CARMIL1: variants seen among roughly 807,000 people sequenced by gnomAD.
CARMIL1 encodes the protein F-actin-uncapping protein LRRC16A.
Under a neutral mutation model 177.1 loss-of-function variants are expected in CARMIL1, and 90 were observed. The ratio of observed to expected loss-of-function variants is 0.51; its 90% CI spans 0.43 to 0.61. The LOEUF (loss-of-function observed/expected upper bound fraction) is 0.61, where lower values mean the gene tolerates loss of function less well. Ranked by LOEUF, CARMIL1 falls within the 20% of genes least tolerant of loss-of-function variation. CARMIL1 has a pLI of 0.00. For synonymous variants in CARMIL1, 577 were observed against 606.2 expected (o/e 0.95, Z 0.71); for missense variants, 1,380 against 1,667.0 (o/e 0.83, Z 3.00).
chr6:25,281,012 G>T (rs1207497464), intron 1 of CARMIL1, among the ~76,000 whole-genome samples: 3 of 152,096 alleles, frequency 2.0e-5, no homozygotes, highest in African/African-American at 7.2e-5. Flanking sequence ...AAAACTTGAT[G>T]TAGAGAGGCT....
At chr6:25,538,063 A>G (rs538684800) in intron 25 of CARMIL1, 80 bp downstream of exon 25, 1 of 1,444,406 alleles carries the variant, frequency 6.9e-7, no homozygotes, top group Non-Finnish European at 9.2e-7. Flanking sequence ...ACCAGTTTCA[A>G]CTTTCTCTCT....
Position 25,449,964 on chromosome 6 carries a change from C to T in CARMIL1, c.438C>T (p.Asp146=), listed in dbSNP as rs1798625921. 1.4e-5 allele frequency: 23 copies of T among 1,611,640 alleles called. No individual in the cohort carries two copies. Among genetic ancestry groups the T allele is most frequent in the Non-Finnish European group, 1.7e-5 (20 of 1,178,598 alleles). ...TGGCTAGTCTCCAGGCGCTGTGGGA[C>T]AGCCAGACCGTGGCTGAGCAGGGCC... ...ERLASLQALW[D]SQTVAEQGPC... Residue 146 remains aspartate, a synonymous_variant, in exon 6 of 37, where the codon GAC becomes GAT. Coordinates refer to ENST00000329474, the MANE Select transcript of CARMIL1 (RefSeq NM_017640.6).
chr6:25,411,812 A>G (rs1019309029), intron 2 of CARMIL1, among the ~76,000 whole-genome samples: 1 of 152,182 alleles, frequency 6.6e-6, no homozygotes, highest in African/African-American at 2.4e-5. Flanking sequence ...TTGAAGAAGC[A>G]CCTGTTGGTC....
intron 33 of CARMIL1, among the ~76,000 whole-genome samples, chr6:25,603,482 G>A (rs1162766743): frequency 6.6e-6 from 1 of 152,164 alleles, no homozygotes; most frequent in Non-Finnish European, 1.5e-5. Context: ...GGGAGTGTGT[G>A]ACTGGGGTAG....
chr6:25,329,727 A>G (rs939612914), intron 2 of CARMIL1, among the ~76,000 whole-genome samples: 2 of 152,214 alleles, frequency 1.3e-5, no homozygotes, highest in African/African-American at 4.8e-5. Flanking sequence ...CTTGCTTCAG[A>G]CAAAATTTTT....
chr6:25,548,051 G>A (rs1014039529), intron 26 of CARMIL1, among the ~76,000 whole-genome samples: 1 of 152,100 alleles, frequency 6.6e-6, no homozygotes, highest in South Asian at 2.1e-4. Context: ...AACAGAGCCT[G>A]GATCATACGG....
rs113954728 is a variant in CARMIL1 at position 25,615,969 on chromosome 6, C to G, written c.3980-3478C>G. 4.6e-5 allele frequency among the ~76,000 whole-genome samples: 7 copies of G among 152,280 alleles called. 1 individual carries two copies. Among genetic ancestry groups the G allele is most frequent in the African/African-American group, 1.7e-4 (7 of 41,546 alleles). On this transcript the variant is annotated intron_variant, in intron 36 of 36. Transcript: ENST00000329474. The stretch of plus-strand genomic sequence containing the variant: ...AGAATGACAGATATCACGTTCGAGC[C>G]TCTCTGTACCAATTATTGCCACTAT...
At position 25,466,615 on chromosome 6, in the gene CARMIL1, G is replaced by A. The variant is rs545151427; in HGVS notation, c.690+667G>A. On this transcript the variant is annotated intron_variant, in intron 9 of 36. Coordinates refer to ENST00000329474, the MANE Select transcript of CARMIL1 (RefSeq NM_017640.6). The stretch of plus-strand genomic sequence containing the variant: ...AAGAAAGAATTTATATGTTTTCCTG[G>A]AGACTCTCACGTTTAAGCCTCTAAC... Among the ~76,000 whole-genome samples, 21 of 152,198 alleles carry A rather than the reference G, an allele frequency of 1.4e-4. No individual in the cohort carries two copies. In the South Asian group the frequency reaches 4.4e-3, roughly 32 times the overall value.
At chr6:25,490,656 C>T (rs1803111188) in intron 13 of CARMIL1, among the ~76,000 whole-genome samples, 1 of 151,132 alleles carries the variant, frequency 6.6e-6, no homozygotes, top group African/African-American at 2.4e-5. Context: ...CGAGATCATA[C>T]CACTGCACTC....
chr6:25,370,685 A>T (rs917531797), intron 2 of CARMIL1, among the ~76,000 whole-genome samples: 11 of 152,174 alleles, frequency 7.2e-5, no homozygotes, highest in African/African-American at 2.7e-4. Context: ...TCACTTAGGA[A>T]GTGGAAAGTC....
rs574002273 is a variant in CARMIL1, at chr6:25,516,741, C to G, written c.1806-606C>G. Reference sequence around the variant, plus strand: ...TGAAGGTAAAGTAATATTTTTCTCCCCAAATAGATTTTGTGTTTAAAAAGC... The same window carrying G: ...TGAAGGTAAAGTAATATTTTTCTCCGCAAATAGATTTTGTGTTTAAAAAGC... On this transcript the variant is annotated intron_variant, in intron 21 of 36. Coordinates refer to ENST00000329474, the MANE Select transcript of CARMIL1 (RefSeq NM_017640.6). Among the ~76,000 whole-genome samples the G allele has an allele frequency of 2.6e-5, 4 of 152,230 alleles. No homozygotes were observed. In the South Asian group the frequency reaches 8.3e-4, roughly 32 times the overall value.
intron 2 of CARMIL1, among the ~76,000 whole-genome samples, chr6:25,293,073 C>G (rs1782100562): frequency 6.6e-6 from 1 of 151,062 alleles, no homozygotes; most frequent in Non-Finnish European, 1.5e-5. Context: ...TTTGTTCCCT[C>G]TCTTATCCCC....
chr6:25,503,436 T>C (rs1804604606), intron 17 of CARMIL1, among the ~76,000 whole-genome samples: 1 of 152,234 alleles, frequency 6.6e-6, no homozygotes, highest in South Asian at 2.1e-4. Context: ...AGTTTGCTTC[T>C]CTTCATAATA....
chr6:25,449,802 A>G, intron 5 of CARMIL1, 96 bp from the exon 6 acceptor site: 2 of 679,624 alleles, frequency 2.9e-6, no homozygotes, highest in South Asian at 2.6e-5. Flanking sequence ...AGTGACCCTC[A>G]TCTTTGTTGA....
At chr6:25,434,042 A>T (rs185612769) in intron 4 of CARMIL1, among the ~76,000 whole-genome samples, 1 of 152,282 alleles carries the variant, frequency 6.6e-6, no homozygotes, top group East Asian at 1.9e-4. Context: ...AAGAAGTGAT[A>T]ATCTAAGAGG....
chr6:25,450,712 G>A lies in CARMIL1; in HGVS notation c.614+1G>A, dbSNP rs1428727324. The A allele has an allele frequency of 3.1e-6, 5 of 1,594,488 alleles. No individual in the cohort carries two copies. The highest frequency in any genetic ancestry group is 8.6e-7 in the Non-Finnish European group (1 of 1,168,606). The stretch of plus-strand genomic sequence containing the variant: ...AAGATTTTAGTCATCTTGACCACAG[G>A]TAAGCTGCTTCCTTCCTTCTTTCCT... On this transcript the variant is annotated splice_donor_variant, in intron 8 of 36. Coordinates refer to ENST00000329474, the MANE Select transcript of CARMIL1 (RefSeq NM_017640.6). LOFTEE classifies it high-confidence loss of function.
intron 2 of CARMIL1, among the ~76,000 whole-genome samples, chr6:25,350,015 C>T (rs1408617859): frequency 6.6e-6 from 1 of 152,072 alleles, no homozygotes; most frequent in African/African-American, 2.4e-5. Flanking sequence ...GTGTGAGCCA[C>T]CACGTCCAGC....
chr6:25,296,893 T>A (rs183360145), intron 2 of CARMIL1, among the ~76,000 whole-genome samples: 1 of 85,918 alleles, frequency 1.2e-5, no homozygotes, highest in African/African-American at 5.4e-5. Flanking sequence ...ATATCTATCT[T>A]TATCTATCTA....
intron 33 of CARMIL1, among the ~76,000 whole-genome samples, chr6:25,601,405 T>TG (rs1030132140): frequency 1.3e-5 from 2 of 152,058 alleles, no homozygotes; most frequent in African/African-American, 2.4e-5. Flanking sequence ...TGCTCACATC[T>TG]GGGGGAAAAG....
Sources: gnomAD v4.1 joint callset for allele counts (sites outside exome capture counted in the v4.1 genomes callset) on GRCh38, gnomAD v4.1.1 for gene constraint, MANE v1.5 for transcripts, NCBI Gene and HGNC (gene_info 2026-07-23, HGNC 2026-07-21) for gene names.